PRR18: variants seen among roughly 807,000 people sequenced by gnomAD.
PRR18 encodes proline rich 18.
For synonymous variants in PRR18, 228 were observed against 220.2 expected, an observed-to-expected ratio of 1.04 and a Z score of -0.32; for missense variants, 517 against 437.4, an observed-to-expected ratio of 1.18 and a Z score of -1.62.
Position 166,308,111 on chromosome 6 carries a change from G to A in PRR18, c.32C>T (p.Ala11Val), listed in dbSNP as rs1778139060. The A allele has an allele frequency of 1.6e-6, 2 of 1,230,816 alleles. No individual in the cohort carries two copies. Among genetic ancestry groups the A allele is most frequent in the East Asian group, 3.2e-5 (1 of 31,440 alleles). 76.2% of individuals were successfully genotyped at this position (1,230,816 alleles called of 1,614,324 possible). Residue 11 changes from alanine (A) to valine (V), a missense_variant, in exon 1 of 1, where the codon GCC becomes GTC. Ala to Val is a moderately conservative substitution (Grantham distance 64). Coordinates refer to ENST00000322583, the MANE Select transcript of PRR18 (RefSeq NM_175922.4). ...CGCGGCTTGGGCCCCCGGGGCGGGG[G>A]CGGGCGGCGGCGGCATGGGCGGGAA... MPFPPMPPPP[A>V]PAPGAQAARQ... is the part of the protein sequence containing the mutation.
rs1480706522 is a variant in PRR18 at position 166,307,177 on chromosome 6, G to A, written c.*78C>T. ...GCCAGAGGAGCCTGCGGTCTCCCCC[G>A]AGGGCCCCTAGGCGGAGTGGCGCGT... On this transcript the variant is annotated 3_prime_UTR_variant, in exon 1 of 1. Transcript: ENST00000322583. 1 of 1,293,584 alleles carries A rather than the reference G, an allele frequency of 7.7e-7. No homozygotes were observed. The highest frequency in any genetic ancestry group is 9.9e-7 in the Non-Finnish European group (1 of 1,009,792). The allele number at this position is 1,293,584 out of a possible 1,614,324, so 80.1% of individuals were successfully genotyped here. A position where few individuals can be genotyped will look rare whatever the true frequency, so the allele number is the denominator to read the frequency against.
chr6:166,305,545 A>T lies in PRR18; in HGVS notation c.*1710T>A, dbSNP rs546249902. On this transcript the variant is annotated 3_prime_UTR_variant, in exon 1 of 1. Transcript: ENST00000322583. Reference sequence around the variant, plus strand: ...AATACAAATTACTAAAAATGCGCTTAGTGTTGTATTGTGGCCAGTTAAGAA... The same window carrying T: ...AATACAAATTACTAAAAATGCGCTTTGTGTTGTATTGTGGCCAGTTAAGAA... 6.6e-6 allele frequency: 1 copy of T among 152,294 alleles called. No homozygotes were observed. The highest frequency in any genetic ancestry group is 2.4e-5 in the African/African-American group (1 of 41,552). The allele number at this position is 152,294 out of a possible 1,614,324, so 9.4% of individuals were successfully genotyped here. A position where few individuals can be genotyped will look rare whatever the true frequency, so the allele number is the denominator to read the frequency against.
chr6:166,306,939 T>TC lies in PRR18; in HGVS notation c.*315dup, dbSNP rs1358994199. The TC allele has an allele frequency of 3.2e-6, 1 of 316,402 alleles. No individual in the cohort carries two copies. Among genetic ancestry groups the TC allele is most frequent in the Non-Finnish European group, 5.8e-6 (1 of 173,260 alleles). The allele number at this position is 316,402 out of a possible 1,614,324, so 19.6% of individuals were successfully genotyped here. A position where few individuals can be genotyped will look rare whatever the true frequency, so the allele number is the denominator to read the frequency against. On this transcript the variant is annotated 3_prime_UTR_variant, in exon 1 of 1. Coordinates refer to ENST00000322583, the MANE Select transcript of PRR18 (RefSeq NM_175922.4). ...AGAGGCATTTTCTCAGTTGCTTAAT[T>TC]CCCCACGAACTGCATGGATGCTCGG...
rs558251611 is a variant in PRR18, at chr6:166,307,065, G to A, written c.*190C>T. 17 of 539,772 alleles carry A rather than the reference G, an allele frequency of 3.1e-5. No homozygotes were observed. The highest frequency in any genetic ancestry group is 5.0e-4 in the Middle Eastern group (1 of 1,998). The allele number at this position is 539,772 out of a possible 1,614,324, so 33.4% of individuals were successfully genotyped here. ...CCCGGGCTGCCGGCTGGCGAGGGCA[G>A]GAGGGGGGCCGTGGCCGTCGGGCGA... On this transcript the variant is annotated 3_prime_UTR_variant, in exon 1 of 1. Coordinates refer to ENST00000322583, the MANE Select transcript of PRR18 (RefSeq NM_175922.4).
chr6:166,308,384 C>T lies in PRR18; in HGVS notation c.-242G>A, dbSNP rs1449559123. ...GGACCCTGCAGGAACCGCCTCCCGC[C>T]GTCCGACTGTGGGCGAGTCGCGGCG... On this transcript the variant is annotated 5_prime_UTR_variant, in exon 1 of 1. Coordinates refer to ENST00000322583, the MANE Select transcript of PRR18 (RefSeq NM_175922.4). 1.4e-5 allele frequency: 5 copies of T among 360,186 alleles called. No individual in the cohort carries two copies. The Admixed American group carries it at 2.4e-4, about 17-fold the overall frequency. The allele number at this position is 360,186 out of a possible 1,614,324, so 22.3% of individuals were successfully genotyped here.
At position 166,307,455 on chromosome 6, in the gene PRR18, C is replaced by T. The variant is rs1778116553; in HGVS notation, c.688G>A (p.Ala230Thr). 6 of 1,530,858 alleles carry T rather than the reference C, an allele frequency of 3.9e-6. No homozygotes were observed. The highest frequency in any genetic ancestry group is 1.4e-5 in the African/African-American group (1 of 70,128). The allele number at this position is 1,530,858 out of a possible 1,614,324, so 94.8% of individuals were successfully genotyped here. A position where few individuals can be genotyped will look rare whatever the true frequency, so the allele number is the denominator to read the frequency against. ...GACACCTTGAGCATCGGCCGCAGGG[C>T]CCCGGGCCGCGGGCTGAGCTGGGGA... ...QVPQLSPRPG[A>T]LRPMLKVSLL... The change falls in exon 1 of 1, where the codon GCC becomes ACC. Residue 230 changes from alanine to threonine, a missense_variant. Physicochemically the swap from Ala to Thr is moderately conservative, Grantham distance 58. Coordinates refer to ENST00000322583, the MANE Select transcript of PRR18 (RefSeq NM_175922.4).
rs1430450554 is a variant in PRR18 at position 166,306,259 on chromosome 6, G to C, written c.*996C>G. ...ACAAAATCTGTTTTAAAAATGTAAG[G>C]CTTCAATTTAAAATACAATTAAGAC... On this transcript the variant is annotated 3_prime_UTR_variant, in exon 1 of 1. Transcript: ENST00000322583. 1 of 151,934 alleles carries C rather than the reference G, an allele frequency of 6.6e-6. No individual in the cohort carries two copies. Among genetic ancestry groups the C allele is most frequent in the Admixed American group, 6.6e-5 (1 of 15,248 alleles). The allele number at this position is 151,934 out of a possible 1,614,324, so 9.4% of individuals were successfully genotyped here. A position where few individuals can be genotyped will look rare whatever the true frequency, so the allele number is the denominator to read the frequency against.
In PRR18 at chr6:166,307,962, C is replaced by A; in HGVS notation, c.181G>T (p.Gly61Cys). The A allele has an allele frequency of 8.1e-7, 1 of 1,232,264 alleles. No individual in the cohort carries two copies. The highest frequency in any genetic ancestry group is 1.0e-6 in the Non-Finnish European group (1 of 982,156). 76.3% of individuals were successfully genotyped at this position (1,232,264 alleles called of 1,614,324 possible). A position where few individuals can be genotyped will look rare whatever the true frequency, so the allele number is the denominator to read the frequency against. ...GGCTGCGTCCTGTCCAGGCCGGGGC[C>A]GCGCCGGGCCGGCGGCCTCTTGAGC... ...ATLKRPPARR[G>C]PGLDRTQPPA... The change falls in exon 1 of 1, where the codon GGC becomes TGC. Residue 61 changes from glycine to cysteine, a missense_variant. Coordinates refer to ENST00000322583, the MANE Select transcript of PRR18 (RefSeq NM_175922.4).
rs776687690 is a variant in PRR18, at chr6:166,307,792, G to A, written c.351C>T (p.Thr117=). ...YAATSAGTGT[T]AAGTSSGAGP... is the part of the protein sequence containing the mutation. ...CCGCCCCCGAGGAGGTGCCCGCGGC[G>A]GTGGTCCCCGTCCCCGCCGAGGTCG... Residue 117 remains threonine (T), a synonymous_variant, in exon 1 of 1, where the codon ACC becomes ACT. Coordinates refer to ENST00000322583, the MANE Select transcript of PRR18 (RefSeq NM_175922.4). 4 of 1,453,852 alleles carry A rather than the reference G, an allele frequency of 2.8e-6. No homozygotes were observed. The highest frequency in any genetic ancestry group is 2.7e-6 in the Non-Finnish European group (3 of 1,094,336). 90.1% of individuals were successfully genotyped at this position (1,453,852 alleles called of 1,614,324 possible).
Position 166,307,714 on chromosome 6 carries a change from G to A in PRR18, c.429C>T (p.Ala143=), listed in dbSNP as rs1262588100. The A allele has an allele frequency of 2.0e-6, 3 of 1,527,618 alleles. No individual in the cohort carries two copies. Among genetic ancestry groups the A allele is most frequent in the African/African-American group, 2.9e-5 (2 of 69,964 alleles). The allele number at this position is 1,527,618 out of a possible 1,614,324, so 94.6% of individuals were successfully genotyped here. Residue 143 remains alanine, a synonymous_variant, in exon 1 of 1, where the codon GCC becomes GCT. Coordinates refer to ENST00000322583, the MANE Select transcript of PRR18 (RefSeq NM_175922.4). The part of the protein sequence containing the change: ...ARFCLNLTPE[A]VLVIQKRHLE... ...GATGACGCTTCTGGATGACCAGGAC[G>A]GCCTCGGGGGTGAGATTCAGGCAGA...
chr6:166,306,368 T>C lies in PRR18; in HGVS notation c.*887A>G, dbSNP rs537278107. 4.6e-5 allele frequency: 7 copies of C among 152,370 alleles called. No individual in the cohort carries two copies. The highest frequency in any genetic ancestry group is 1.7e-4 in the African/African-American group (7 of 41,584). The allele number at this position is 152,370 out of a possible 1,614,324, so 9.4% of individuals were successfully genotyped here. ...TCAGTCAAAAATTGAGGTAATACATTACTCTTTTATAACCAGCCTTATCTG... is the reference window on the plus strand; with the variant it reads ...TCAGTCAAAAATTGAGGTAATACATCACTCTTTTATAACCAGCCTTATCTG... On this transcript the variant is annotated 3_prime_UTR_variant, in exon 1 of 1. Transcript: ENST00000322583.
chr6:166,307,089 G>A lies in PRR18; in HGVS notation c.*166C>T, dbSNP rs917038031. 1 of 678,706 alleles carries A rather than the reference G, an allele frequency of 1.5e-6. No individual in the cohort carries two copies. The highest frequency in any genetic ancestry group is 3.2e-5 in the South Asian group (1 of 31,244). The allele number at this position is 678,706 out of a possible 1,614,324, so 42.0% of individuals were successfully genotyped here. A position where few individuals can be genotyped will look rare whatever the true frequency, so the allele number is the denominator to read the frequency against. On this transcript the variant is annotated 3_prime_UTR_variant, in exon 1 of 1. Transcript: ENST00000322583. Reference sequence around the variant, plus strand: ...AGGAGGGGGGCCGTGGCCGTCGGGCGAGTCTGGCTGCGCCCCACGTGGGCC... The same window carrying A: ...AGGAGGGGGGCCGTGGCCGTCGGGCAAGTCTGGCTGCGCCCCACGTGGGCC...
rs1383934382 is a variant in PRR18, at chr6:166,307,763, G to C, written c.380C>G (p.Pro127Arg). 1.3e-6 allele frequency: 2 copies of C among 1,499,672 alleles called. No individual in the cohort carries two copies. Among genetic ancestry groups the C allele is most frequent in the Middle Eastern group, 3.6e-4 (2 of 5,536 alleles). The allele number at this position is 1,499,672 out of a possible 1,614,324, so 92.9% of individuals were successfully genotyped here. ...GAAGCGCGCAGCGGAGTCTGGACAA[G>C]GCCCCGCCCCCGAGGAGGTGCCCGC... is the stretch of plus-strand genomic sequence containing the variant. ...TAAGTSSGAG[P>R]CPDSAARFCL... The change falls in exon 1 of 1, where the codon CCT becomes CGT. Residue 127 changes from proline to arginine, a missense_variant. By Grantham distance (103) the Pro-to-Arg change is moderately radical. Transcript: ENST00000322583.
chr6:166,307,761 A>G lies in PRR18; in HGVS notation c.382T>C (p.Cys128Arg). ...CAGAAGCGCGCAGCGGAGTCTGGAC[A>G]AGGCCCCGCCCCCGAGGAGGTGCCC... ...AAGTSSGAGP[C>R]PDSAARFCLN... The change falls in exon 1 of 1, where the codon TGT becomes CGT. Residue 128 changes from cysteine (C) to arginine (R), a missense_variant. Coordinates refer to ENST00000322583, the MANE Select transcript of PRR18 (RefSeq NM_175922.4). 1 of 1,502,114 alleles carries G rather than the reference A, an allele frequency of 6.7e-7. No homozygotes were observed. 93.0% of individuals were successfully genotyped at this position (1,502,114 alleles called of 1,614,324 possible).
chr6:166,307,175 C>G lies in PRR18; in HGVS notation c.*80G>C. 7.7e-7 allele frequency: 1 copy of G among 1,293,942 alleles called. No individual in the cohort carries two copies. Among genetic ancestry groups the G allele is most frequent in the Non-Finnish European group, 9.9e-7 (1 of 1,010,602 alleles). 80.2% of individuals were successfully genotyped at this position (1,293,942 alleles called of 1,614,324 possible). On this transcript the variant is annotated 3_prime_UTR_variant, in exon 1 of 1. Coordinates refer to ENST00000322583, the MANE Select transcript of PRR18 (RefSeq NM_175922.4). ...CGGCCAGAGGAGCCTGCGGTCTCCC[C>G]CGAGGGCCCCTAGGCGGAGTGGCGC...
In PRR18 at chr6:166,306,791, T is replaced by A. The variant is rs562739645; in HGVS notation, c.*464A>T. On this transcript the variant is annotated 3_prime_UTR_variant, in exon 1 of 1. Transcript: ENST00000322583. ...ACCTGGGCCATCGCCCACCGCACTG[T>A]CCAGGGTGCCCGGCGCCGGCTGAGG... The A allele has an allele frequency of 2.8e-4, 45 of 158,726 alleles. No individual in the cohort carries two copies. Among genetic ancestry groups the A allele is most frequent in the Middle Eastern group, 6.2e-3 (2 of 322 alleles). 9.8% of individuals were successfully genotyped at this position (158,726 alleles called of 1,614,324 possible).
chr6:166,307,924 C>T lies in PRR18; in HGVS notation c.219G>A (p.Pro73=). ...GLDRTQPPAP[P]GVSPQALPSR... ...TGGGCAAGGCCTGGGGGGAGACGCCCGGAGGGGCCGGCGGCTGCGTCCTGT... is the reference window on the plus strand; with the variant it reads ...TGGGCAAGGCCTGGGGGGAGACGCCTGGAGGGGCCGGCGGCTGCGTCCTGT... Residue 73 remains proline, a synonymous_variant, in exon 1 of 1, where the codon CCG becomes CCA. Transcript: ENST00000322583. 6 of 1,224,794 alleles carry T rather than the reference C, an allele frequency of 4.9e-6. No homozygotes were observed. Among genetic ancestry groups the T allele is most frequent in the Non-Finnish European group, 6.1e-6 (6 of 980,842 alleles). 75.9% of individuals were successfully genotyped at this position (1,224,794 alleles called of 1,614,324 possible).
In PRR18 at chr6:166,307,819, C is replaced by T. The variant is rs765951027; in HGVS notation, c.324G>A (p.Ala108=). Reference sequence around the variant, plus strand: ...TGGTCCCCGTCCCCGCCGAGGTCGCCGCATAGGTGGTCCTCGCTGGGCTGT... The same window carrying T: ...TGGTCCCCGTCCCCGCCGAGGTCGCTGCATAGGTGGTCCTCGCTGGGCTGT... The part of the protein sequence containing the change: ...SGHSPARTTY[A]ATSAGTGTTA... Residue 108 remains alanine, a synonymous_variant, in exon 1 of 1, where the codon GCG becomes GCA. Transcript: ENST00000322583. The T allele has an allele frequency of 8.5e-6, 12 of 1,408,988 alleles. No individual in the cohort carries two copies. The highest frequency in any genetic ancestry group is 1.0e-5 in the Non-Finnish European group (11 of 1,072,854). The allele number at this position is 1,408,988 out of a possible 1,614,324, so 87.3% of individuals were successfully genotyped here.
chr6:166,307,574 C>G lies in PRR18; in HGVS notation c.569G>C (p.Gly190Ala). The G allele has an allele frequency of 8.2e-7, 1 of 1,216,894 alleles. No individual in the cohort carries two copies. The highest frequency in any genetic ancestry group is 1.0e-6 in the Non-Finnish European group (1 of 978,020). 75.4% of individuals were successfully genotyped at this position (1,216,894 alleles called of 1,614,324 possible). ...PARAAGPRRG[G>A]PASDPDAPPT... is the part of the protein sequence containing the mutation. ...GGGTGCGTCGGGGTCGCTGGCGGGG[C>G]CGCCCCTCCGCGGGCCCGCGGCCCT... is the stretch of plus-strand genomic sequence containing the variant. Residue 190 changes from glycine to alanine, a missense_variant, in exon 1 of 1, where the codon GGC becomes GCC. By Grantham distance (60) the Gly-to-Ala change is moderately conservative (BLOSUM62 0). Transcript: ENST00000322583.
Sources: gnomAD v4.1 joint callset for allele counts on GRCh38, gnomAD v4.1.1 for gene constraint, MANE v1.5 for transcripts, NCBI Gene and HGNC (gene_info 2026-07-23, HGNC 2026-07-21) for gene names.